The following DLGAP2 variants were observed in gnomAD, a reference collection of about 807,000 sequenced individuals.
DLGAP2 encodes the protein disks large-associated protein 2.
Under a neutral mutation model 100.3 loss-of-function variants are expected in DLGAP2, and 26 were observed. The ratio of observed to expected loss-of-function variants is 0.26; its 90% CI spans 0.19 to 0.36. The LOEUF (loss-of-function observed/expected upper bound fraction) is 0.36. Ranked by LOEUF, DLGAP2 falls within the 10% of genes least tolerant of loss-of-function variation. The pLI, the probability that DLGAP2 is intolerant of heterozygous loss-of-function variation, is 1.00. For synonymous variants in DLGAP2, 886 were observed against 630.1 expected (o/e 1.41, Z -6.08); for missense variants, 1,858 against 1,453.2 (o/e 1.28, Z -4.53).
rs190211855 is a variant in DLGAP2 at position 1,520,542 on chromosome 8, C to G, written c.172+19111C>G. Among the ~76,000 whole-genome samples, 4 of 152,280 alleles carry G rather than the reference C, an allele frequency of 2.6e-5. No individual in the cohort carries two copies. The East Asian group carries it at 5.8e-4, about 22-fold the overall frequency. ...GTGGACTCCCCACTGCCACCTCACACAGAGCAGTTTCCTTGCCCTAAAAAT... is the reference window on the plus strand; with the variant it reads ...GTGGACTCCCCACTGCCACCTCACAGAGAGCAGTTTCCTTGCCCTAAAAAT... On this transcript the variant is annotated intron_variant, in intron 4 of 14. Coordinates refer to ENST00000637795, the MANE Select transcript of DLGAP2 (RefSeq NM_001346810.2).
At chr8:874,012 G>C (rs1376758192) in intron 1 of DLGAP2, among the ~76,000 whole-genome samples, 2 of 152,030 alleles carry the variant, frequency 1.3e-5, no homozygotes, top group African/African-American at 4.8e-5. Context: ...ATTATTCATA[G>C]TGTTCCTGTA....
intron 2 of DLGAP2, among the ~76,000 whole-genome samples, chr8:1,149,064 T>G (rs1020982743): frequency 1.1e-4 from 16 of 152,230 alleles, no homozygotes; most frequent in Non-Finnish European, 2.2e-4. Flanking sequence ...ATCTGATATT[T>G]TGAAGTCACA....
chr8:900,281 C>G (rs1427457753), intron 1 of DLGAP2, among the ~76,000 whole-genome samples: 1 of 146,902 alleles, frequency 6.8e-6, no homozygotes, highest in African/African-American at 2.6e-5. Context: ...ATCCTGTTCA[C>G]GGCGTCGCTC....
intron 4 of DLGAP2, among the ~76,000 whole-genome samples, chr8:1,547,421 G>C (rs965295475): frequency 6.6e-6 from 1 of 152,102 alleles, no homozygotes; most frequent in African/African-American, 2.4e-5. Context: ...GGCAGGGGGA[G>C]AGGGAGAGAG....
intron 3 of DLGAP2, among the ~76,000 whole-genome samples, chr8:1,438,309 T>C (rs988145006): frequency 1.3e-5 from 2 of 152,204 alleles, no homozygotes; most frequent in Admixed American, 6.5e-5. Context: ...AAGGGGTCTT[T>C]CCATTACTGA....
chr8:1,084,908 G>A lies in DLGAP2; in HGVS notation c.74-173943G>A, dbSNP rs1007626527. Among the ~76,000 whole-genome samples the A allele has an allele frequency of 2.6e-5, 4 of 152,280 alleles. No homozygotes were observed. The East Asian group carries it at 7.7e-4, about 29-fold the overall frequency. On this transcript the variant is annotated intron_variant, in intron 2 of 14. Transcript: ENST00000637795. ...GTAAACACCCAGAAGTGGGACTGCT[G>A]GATCATTCTCTTTTTAATTCCTGAG...
intron 2 of DLGAP2, among the ~76,000 whole-genome samples, chr8:1,233,227 G>T (rs1183878385): frequency 6.6e-6 from 1 of 152,158 alleles, no homozygotes; most frequent in Admixed American, 6.5e-5. Context: ...CTGCCTCTTG[G>T]CTATGATGAA....
intron 2 of DLGAP2, among the ~76,000 whole-genome samples, chr8:1,203,020 A>G (rs886909743): frequency 3.9e-5 from 6 of 152,088 alleles, no homozygotes; most frequent in African/African-American, 9.7e-5. Context: ...CACCCCATCC[A>G]TCTGCCGGGC....
chr8:1,672,752 C>T (rs1798722427), intron 10 of DLGAP2, among the ~76,000 whole-genome samples: 1 of 152,250 alleles, frequency 6.6e-6, no homozygotes, highest in Admixed American at 6.5e-5. Context: ...CAAAGCCTCA[C>T]AGGCAGGGCC....
chr8:1,366,583 C>A lies in DLGAP2; in HGVS notation c.106+107700C>A, dbSNP rs569606322. Reference sequence around the variant, plus strand: ...TGAGGGGAGGGATGGGGCAGAGGCACCCCGGCAGAGCAGTGTACAGGGGCA... The same window carrying A: ...TGAGGGGAGGGATGGGGCAGAGGCAACCCGGCAGAGCAGTGTACAGGGGCA... On this transcript the variant is annotated intron_variant, in intron 3 of 14. Transcript: ENST00000637795. 1.2e-3 allele frequency among the ~76,000 whole-genome samples: 183 copies of A among 152,216 alleles called. 1 individual carries two copies. The highest frequency in any genetic ancestry group is 4.2e-3 in the African/African-American group (174 of 41,512).
At chr8:1,024,052 G>C (rs1395076396) in intron 2 of DLGAP2, among the ~76,000 whole-genome samples, 1 of 152,000 alleles carries the variant, frequency 6.6e-6, no homozygotes. Flanking sequence ...CATGTGCGGT[G>C]TGGGGTGTTT....
intron 3 of DLGAP2, among the ~76,000 whole-genome samples, chr8:1,278,231 T>C (rs936610532): frequency 6.6e-6 from 1 of 152,218 alleles, no homozygotes; most frequent in African/African-American, 2.4e-5. Flanking sequence ...CCTTGGACTC[T>C]CAATTATTTT....
intron 2 of DLGAP2, among the ~76,000 whole-genome samples, chr8:1,167,744 G>T (rs1381931970): frequency 6.6e-6 from 1 of 152,274 alleles, no homozygotes; most frequent in Non-Finnish European, 1.5e-5. Context: ...CATCCATTCA[G>T]TTGACAAACA....
intron 8 of DLGAP2, among the ~76,000 whole-genome samples, chr8:1,660,779 G>A (rs927009175): frequency 1.3e-5 from 2 of 152,224 alleles, no homozygotes; most frequent in African/African-American, 4.8e-5. Context: ...TTCAGATCCT[G>A]TGGTTGGTAA....
intron 2 of DLGAP2, among the ~76,000 whole-genome samples, chr8:1,024,399 G>A (rs1306885012): frequency 5.8e-5 from 8 of 137,822 alleles, no homozygotes; most frequent in Non-Finnish European, 8.2e-5. Flanking sequence ...CCTCCCTGGG[G>A]GTGGACAGTC....
chr8:1,483,644 CCTGAGGGCGTCTACACAGAG>C (rs1341987554), intron 3 of DLGAP2, among the ~76,000 whole-genome samples: 345 of 32,196 alleles, frequency 0.011, 11 homozygotes, highest in African/African-American at 0.031. Flanking sequence ...GGGAGCAGGA[CCTGAGGGCGTCTACACAGAG>C]CAGGGAGGCA....
chr8:851,632 C>G (rs1206574117), intron 1 of DLGAP2, among the ~76,000 whole-genome samples: 2 of 152,216 alleles, frequency 1.3e-5, no homozygotes, highest in Non-Finnish European at 2.9e-5. Context: ...GTTCAAAAAA[C>G]TTGTCACATT....
intron 2 of DLGAP2, among the ~76,000 whole-genome samples, chr8:1,081,933 C>G (rs1170694453): frequency 6.6e-6 from 1 of 152,160 alleles, no homozygotes; most frequent in Non-Finnish European, 1.5e-5. Context: ...AATCAGGATG[C>G]CAGGAAAATG....
Position 1,696,224 on chromosome 8 carries a change from G to A in DLGAP2, c.2797-923G>A, listed in dbSNP as rs1041369437. ...CAGATTTCAATGTAGGGAGCAAGCC[G>A]GGCACGGTGGCTCACCCTGTAATCC... On this transcript the variant is annotated intron_variant, in intron 13 of 14. Coordinates refer to ENST00000637795, the MANE Select transcript of DLGAP2 (RefSeq NM_001346810.2). Among the ~76,000 whole-genome samples, 11 of 152,294 alleles carry A rather than the reference G, an allele frequency of 7.2e-5. No homozygotes were observed. In the South Asian group the frequency reaches 1.0e-3, roughly 14 times the overall value.
Sources: gnomAD v4.1 joint callset for allele counts (sites outside exome capture counted in the v4.1 genomes callset) on GRCh38, gnomAD v4.1.1 for gene constraint, MANE v1.5 for transcripts, NCBI Gene and HGNC (gene_info 2026-07-23, HGNC 2026-07-21) for gene names.